FAM13B: variants seen among roughly 807,000 people sequenced by gnomAD.
FAM13B encodes family with sequence similarity 13 member B, also known as protein FAM13B.
A neutral mutation model predicts 117.3 loss-of-function variants in FAM13B; 60 were observed. The ratio of observed to expected loss-of-function variants is 0.51; its 90% CI spans 0.42 to 0.63. The LOEUF is 0.63. Ranked by LOEUF, FAM13B falls within the 30% of genes least tolerant of loss-of-function variation. The probability of loss-of-function intolerance (pLI) is 0.00; values close to 1 mark genes in which losing one functional copy is unlikely to be tolerated. For missense variants in FAM13B, 972 were observed against 1,091.9 expected (o/e 0.89, Z 1.55); for synonymous variants, 332 against 356.1 (o/e 0.93, Z 0.76).
At chr5:138,042,673 G>C (rs1791531564) in intron 1 of FAM13B, among the ~76,000 whole-genome samples, 1 of 148,504 alleles carries the variant, frequency 6.7e-6, no homozygotes, top group South Asian at 2.1e-4. Flanking sequence ...GACTATCATA[G>C]ACATCATGAT....
At chr5:138,018,233 G>C (rs1446553729) in intron 4 of FAM13B, 69 bp downstream of exon 4, 1 of 1,243,420 alleles carries the variant, frequency 8.0e-7, no homozygotes, top group African/African-American at 1.5e-5. Context: ...TACATGTCAA[G>C]ATTTCTAAAA....
At chr5:138,011,281 G>T in intron 5 of FAM13B, 132 bp from the exon 6 acceptor site, 1 of 788,516 alleles carries the variant, frequency 1.3e-6, no homozygotes, top group Non-Finnish European at 2.0e-6. Context: ...TCTCCCATCT[G>T]TAAAACCTAC....
At chr5:138,043,542 C>T (rs1037226763) in intron 1 of FAM13B, among the ~76,000 whole-genome samples, 1 of 151,166 alleles carries the variant, frequency 6.6e-6, no homozygotes, top group African/African-American at 2.4e-5. Flanking sequence ...CAGGTTCAAG[C>T]AATTCCCCTG....
chr5:137,979,224 G>C (rs941117780), intron 10 of FAM13B, among the ~76,000 whole-genome samples: 9 of 152,040 alleles, frequency 5.9e-5, no homozygotes, highest in Non-Finnish European at 1.3e-4. Context: ...TGTTGGCCAG[G>C]CTGGTCTCGA....
At chr5:138,035,197 AG>A, upstream of FAM13B, among the ~76,000 whole-genome samples, 2 of 150,880 alleles carry the variant, frequency 1.3e-5, no homozygotes, top group African/African-American at 2.4e-5. Flanking sequence ...ATTTTTTTAG[AG>A]ATGGGTTTCC....
At chr5:137,965,903 T>C (rs1000367086) in intron 10 of FAM13B, among the ~76,000 whole-genome samples, 1 of 152,210 alleles carries the variant, frequency 6.6e-6, no homozygotes, top group African/African-American at 2.4e-5. Context: ...ATTTTACTGA[T>C]GATAAATCCA....
intron 13 of FAM13B, among the ~76,000 whole-genome samples, chr5:137,957,899 T>C (rs1356692188): frequency 6.6e-6 from 1 of 152,228 alleles, no homozygotes. Flanking sequence ...CAGTATCAGG[T>C]TCTCTTTCAG....
At chr5:137,958,923 A>C (rs1017062957) in intron 13 of FAM13B, among the ~76,000 whole-genome samples, 6 of 152,176 alleles carry the variant, frequency 3.9e-5, no homozygotes, top group Non-Finnish European at 7.3e-5. Context: ...TTTCCCCATA[A>C]ACACTCCAGC....
At chr5:137,997,306 A>G (rs1780108041) in intron 7 of FAM13B, among the ~76,000 whole-genome samples, 1 of 152,028 alleles carries the variant, frequency 6.6e-6, no homozygotes, top group African/African-American at 2.4e-5. Flanking sequence ...CATCTCTACT[A>G]AAATTACAAA....
At chr5:138,029,620 C>T (rs201509429) in intron 1 of FAM13B, among the ~76,000 whole-genome samples, 11 of 152,166 alleles carry the variant, frequency 7.2e-5, no homozygotes, top group Non-Finnish European at 1.0e-4. Context: ...CTAAATCCAA[C>T]GTGACCAGTG....
chr5:137,967,407 C>T (rs998709970), intron 10 of FAM13B, among the ~76,000 whole-genome samples: 3 of 152,040 alleles, frequency 2.0e-5, no homozygotes, highest in African/African-American at 7.2e-5. Flanking sequence ...GCCTGCAATC[C>T]TAGCTACTCG....
At position 138,019,160 on chromosome 5, in the gene FAM13B, G is replaced by GAA; in HGVS notation, c.-35-15_-35-14insTT. The GAA allele has an allele frequency of 2.1e-6, 3 of 1,412,492 alleles. No homozygotes were observed. Among genetic ancestry groups the GAA allele is most frequent in the Non-Finnish European group, 1.8e-6 (2 of 1,082,884 alleles). 87.5% of individuals were successfully genotyped at this position (1,412,492 alleles called of 1,614,324 possible). On this transcript the variant is annotated splice_polypyrimidine_tract_variant and intron_variant, in intron 2 of 23. Transcript: ENST00000689681. Reference sequence around the variant, plus strand: ...AAGCTGTCTTTTCTGCCAAATGAAAGACAAAAAAAAAAGACTATAATGATT... The same window carrying GAA: ...AAGCTGTCTTTTCTGCCAAATGAAAGAAACAAAAAAAAAAGACTATAATGATT...
chr5:137,998,461 T>A (rs866324625), intron 7 of FAM13B, among the ~76,000 whole-genome samples: 2 of 152,252 alleles, frequency 1.3e-5, no homozygotes, highest in Non-Finnish European at 2.9e-5. Flanking sequence ...ATAACTTACC[T>A]TGTTGAGAGC....
chr5:138,003,491 T>C (rs1306300208), intron 7 of FAM13B, among the ~76,000 whole-genome samples: 1 of 152,204 alleles, frequency 6.6e-6, no homozygotes, highest in African/African-American at 2.4e-5. Flanking sequence ...AGGAAATGTA[T>C]AGATATTAAC....
At chr5:138,006,270 T>C (rs1782550568) in intron 7 of FAM13B, among the ~76,000 whole-genome samples, 1 of 152,296 alleles carries the variant, frequency 6.6e-6, no homozygotes, top group African/African-American at 2.4e-5. Flanking sequence ...ACTAAATATA[T>C]AGCTGGATCC....
At chr5:137,962,856 G>C (rs1183650411) in intron 10 of FAM13B, among the ~76,000 whole-genome samples, 1 of 151,946 alleles carries the variant, frequency 6.6e-6, no homozygotes, top group Non-Finnish European at 1.5e-5. Context: ...AGGAGTCATA[G>C]AGGAGTTCAC....
chr5:137,996,725 G>A (rs1400165421), intron 7 of FAM13B, among the ~76,000 whole-genome samples: 6 of 151,976 alleles, frequency 3.9e-5, no homozygotes, highest in African/African-American at 1.5e-4. Context: ...CCGAGTAGCT[G>A]GGATTACAGG....
At chr5:137,973,286 GC>G (rs1259973964) in intron 10 of FAM13B, among the ~76,000 whole-genome samples, 3 of 152,100 alleles carry the variant, frequency 2.0e-5, no homozygotes, top group Non-Finnish European at 4.4e-5. Flanking sequence ...ACAGAACATA[GC>G]CCTCAGAAAT....
At chr5:137,996,200 A>G (rs1453879385) in intron 7 of FAM13B, among the ~76,000 whole-genome samples, 1 of 152,050 alleles carries the variant, frequency 6.6e-6, no homozygotes, top group Non-Finnish European at 1.5e-5. Context: ...CAGTGGCACA[A>G]TCTTGGCTCA....
Sources: allele counts gnomAD v4.1 joint callset (sites outside exome capture counted in the v4.1 genomes callset), GRCh38; gene constraint gnomAD v4.1.1; transcripts MANE v1.5; gene names NCBI Gene and HGNC (gene_info 2026-07-23, HGNC 2026-07-21).